CXXC4: variants seen among roughly 807,000 people sequenced by gnomAD.
CXXC4 encodes CXXC-type zinc finger protein 4.
Under a neutral mutation model 20.5 loss-of-function variants are expected in CXXC4, and 5 were observed. The ratio of observed to expected loss-of-function variants is 0.24; its 90% CI spans 0.13 to 0.51. The LOEUF (loss-of-function observed/expected upper bound fraction) is 0.51, where lower values mean the gene tolerates loss of function less well. CXXC4 is among the 20% of genes least tolerant of loss of function. The pLI is 0.97. For synonymous variants in CXXC4, 250 were observed against 216.4 expected, an observed-to-expected ratio of 1.16 and a Z score of -1.36; for missense variants, 419 against 496.4, an observed-to-expected ratio of 0.84 and a Z score of 1.48.
chr4:104,491,474 C>G lies in CXXC4; in HGVS notation c.329G>C (p.Gly110Ala), dbSNP rs1421659427. ...GCCACCCCCCCCGCCGCCGCCCCCG[C>G]CCCCGCCGCTGCCCCAGAGCATGGC... ...ATAMLWGSGG[G>A]GGGGGGGGGG... The change falls in exon 2 of 3, where the codon GGC (glycine) becomes GCC (alanine). Residue 110 changes from glycine (G) to alanine (A), a missense_variant. Coordinates refer to ENST00000394767, the MANE Select transcript of CXXC4 (RefSeq NM_025212.4). The G allele has an allele frequency of 1.0e-6, 1 of 967,560 alleles. No individual in the cohort carries two copies. Among genetic ancestry groups the G allele is most frequent in the African/African-American group, 1.8e-5 (1 of 56,720 alleles). The allele number at this position is 967,560 out of a possible 1,614,324, so 59.9% of individuals were successfully genotyped here.
Position 104,491,508 on chromosome 4 carries a change from CGGCGGCGGTGGCCGCGTT to C in CXXC4, c.277_294del (p.Asn93_Ala98del). On this transcript the variant is annotated inframe_deletion, in exon 2 of 3. Coordinates refer to ENST00000394767, the MANE Select transcript of CXXC4 (RefSeq NM_025212.4). ...CTGCCCCAGAGCATGGCGGTGGCGG[CGGCGGCGGTGGCCGCGTT>C]GTCGCAGTTCCAGGGGGACATGCCG... 1 of 1,169,502 alleles carries C rather than the reference CGGCGGCGGTGGCCGCGTT, an allele frequency of 8.6e-7. No homozygotes were observed. The highest frequency in any genetic ancestry group is 1.1e-6 in the Non-Finnish European group (1 of 894,004). 72.4% of individuals were successfully genotyped at this position (1,169,502 alleles called of 1,614,324 possible).
At chr4:104,484,138 A>G (rs1216390601) in intron 2 of CXXC4, among the ~76,000 whole-genome samples, 1 of 151,990 alleles carries the variant, frequency 6.6e-6, no homozygotes, top group Non-Finnish European at 1.5e-5. Flanking sequence ...CTTATTCTCC[A>G]TTTCCATTGA....
chr4:104,489,500 CTT>C (rs1267371798), intron 2 of CXXC4, among the ~76,000 whole-genome samples: 1 of 152,138 alleles, frequency 6.6e-6, no homozygotes, highest in African/African-American at 2.4e-5. Context: ...CCTAAGATAA[CTT>C]GTGAGAGCCA....
At chr4:104,477,588 CAT>C (rs151046589) in intron 2 of CXXC4, among the ~76,000 whole-genome samples, 16,881 of 151,870 alleles carry the variant, frequency 0.11, 2,629 homozygotes, top group African/African-American at 0.35. Flanking sequence ...TTTTAGAAAT[CAT>C]AGTCTAGTAA....
chr4:104,486,621 A>C (rs1736701031), intron 2 of CXXC4, among the ~76,000 whole-genome samples: 1 of 152,078 alleles, frequency 6.6e-6, no homozygotes, highest in Admixed American at 6.5e-5. Flanking sequence ...TATTCTTGAG[A>C]TGAAAAATTG....
At chr4:104,479,387 TTTTA>T (rs1228169974) in intron 2 of CXXC4, among the ~76,000 whole-genome samples, 2 of 152,186 alleles carry the variant, frequency 1.3e-5, no homozygotes, top group Non-Finnish European at 2.9e-5. Flanking sequence ...GGCATATCTC[TTTTA>T]TTATTATAGT....
At chr4:104,473,219 T>C (rs1385680167) in intron 2 of CXXC4, among the ~76,000 whole-genome samples, 1 of 151,892 alleles carries the variant, frequency 6.6e-6, no homozygotes, top group African/African-American at 2.4e-5. Flanking sequence ...GTGAGAACCA[T>C]ACTCATAAAA....
chr4:104,473,057 A>AT (rs1560537950), intron 2 of CXXC4, among the ~76,000 whole-genome samples: 7 of 149,924 alleles, frequency 4.7e-5, no homozygotes, highest in African/African-American at 1.7e-4. Flanking sequence ...TAGAAATCAC[A>AT]ATATATATAT....
chr4:104,487,334 G>C (rs1386874569), intron 2 of CXXC4, among the ~76,000 whole-genome samples: 3 of 152,100 alleles, frequency 2.0e-5, no homozygotes, highest in Non-Finnish European at 4.4e-5. Flanking sequence ...CCAGATCTGT[G>C]TGGTCTCTAA....
intron 2 of CXXC4, among the ~76,000 whole-genome samples, chr4:104,473,985 T>G (rs1339006853): frequency 1.3e-5 from 2 of 151,974 alleles, no homozygotes; most frequent in Non-Finnish European, 2.9e-5. Flanking sequence ...AAAATAAATA[T>G]TTTGGAAAGC....
intron 2 of CXXC4, among the ~76,000 whole-genome samples, chr4:104,477,759 A>T (rs1256390940): frequency 6.6e-6 from 1 of 151,996 alleles, no homozygotes; most frequent in South Asian, 2.1e-4. Context: ...ATATAAGTAT[A>T]TACTTGTTTC....
In CXXC4 at chr4:104,485,435, C is replaced by G. The variant is rs1378975226; in HGVS notation, c.1059+5309G>C. Among the ~76,000 whole-genome samples the G allele has an allele frequency of 3.3e-5, 5 of 151,978 alleles. No individual in the cohort carries two copies. The East Asian group carries it at 9.6e-4, about 29-fold the overall frequency. On this transcript the variant is annotated intron_variant, in intron 2 of 2. Transcript: ENST00000394767. Reference sequence around the variant, plus strand: ...GTAAAATAAATTTAAGAAATTAAAGCATATCCACTCATATTGAATAGTAGG... The same window carrying G: ...GTAAAATAAATTTAAGAAATTAAAGGATATCCACTCATATTGAATAGTAGG...
chr4:104,475,659 C>G (rs541010403), intron 2 of CXXC4, among the ~76,000 whole-genome samples: 1 of 152,194 alleles, frequency 6.6e-6, no homozygotes, highest in South Asian at 2.1e-4. Flanking sequence ...TGCGGGGGCT[C>G]AGCACACCAA....
At chr4:104,472,464 C>A in intron 2 of CXXC4, 98 bp from the exon 3 acceptor site, 4 of 727,704 alleles carry the variant, frequency 5.5e-6, no homozygotes, top group South Asian at 2.0e-5. Context: ...TTTTAGTTAC[C>A]AATGTACAAC....
Position 104,470,518 on chromosome 4 carries a change from A to G in CXXC4, c.*1804T>C, listed in dbSNP as rs552671298. On this transcript the variant is annotated 3_prime_UTR_variant, in exon 3 of 3. Coordinates refer to ENST00000394767, the MANE Select transcript of CXXC4 (RefSeq NM_025212.4). ...AAACACTCTTTCTGCTTTTTAAAAA[A>G]TCTTTTCTGTCCTATCGTATCCCAT... 2.2e-4 allele frequency: 34 copies of G among 152,180 alleles called. No homozygotes were observed. Among genetic ancestry groups the G allele is most frequent in the African/African-American group, 8.2e-4 (34 of 41,558 alleles). 9.4% of individuals were successfully genotyped at this position (152,180 alleles called of 1,614,324 possible). A position where few individuals can be genotyped will look rare whatever the true frequency, so the allele number is the denominator to read the frequency against.
intron 2 of CXXC4, among the ~76,000 whole-genome samples, chr4:104,475,781 T>C (rs1736385609): frequency 1.3e-5 from 2 of 152,130 alleles, no homozygotes; most frequent in African/African-American, 2.4e-5. Flanking sequence ...ATCTCAGTGA[T>C]GCTTGCAGGG....
intron 2 of CXXC4, among the ~76,000 whole-genome samples, chr4:104,485,957 A>C (rs891512214): frequency 6.6e-6 from 1 of 152,054 alleles, no homozygotes; most frequent in Admixed American, 6.6e-5. Context: ...CACGACTTTT[A>C]TTTCTTTCAT....
chr4:104,488,495 A>G (rs1379832236), intron 2 of CXXC4, among the ~76,000 whole-genome samples: 1 of 152,220 alleles, frequency 6.6e-6, no homozygotes. Context: ...TTAGCCAAAT[A>G]GTATTCCGCT....
chr4:104,472,430 T>C, intron 2 of CXXC4, 64 bp from the exon 3 acceptor site: 2 of 1,240,730 alleles, frequency 1.6e-6, no homozygotes, highest in Non-Finnish European at 1.2e-6. Context: ...AATTAGATTT[T>C]TCTCCTTTAC....
Sources: gnomAD v4.1 joint callset for allele counts (sites outside exome capture counted in the v4.1 genomes callset) on GRCh38, gnomAD v4.1.1 for gene constraint, MANE v1.5 for transcripts, NCBI Gene and HGNC (gene_info 2026-07-23, HGNC 2026-07-21) for gene names.